The following CETP variants were observed in gnomAD, a reference collection of about 807,000 sequenced individuals.
The protein encoded by CETP is BPI fold containing family F.
CETP carries 56 observed loss-of-function variants against 66.5 expected under a neutral mutation model. That is an observed-to-expected ratio of 0.84 (90% CI 0.68 to 1.05). The LOEUF (loss-of-function observed/expected upper bound fraction) is 1.05. Among genes scored for constraint, CETP ranks in the 50% least tolerant of loss-of-function variants. The probability of loss-of-function intolerance (pLI) is 0.00; values close to 1 mark genes in which losing one functional copy is unlikely to be tolerated. For synonymous variants in CETP, 251 were observed against 245.7 expected, an observed-to-expected ratio of 1.02 and a Z score of -0.20; for missense variants, 612 against 609.6, an observed-to-expected ratio of 1.00 and a Z score of -0.04.
At chr16:56,971,477 G>A in intron 7 of CETP, 96 bp downstream of exon 7, 1 of 1,089,560 alleles carries the variant, frequency 9.2e-7, no homozygotes, top group Non-Finnish European at 1.4e-6. Context: ...CACTCTTCCT[G>A]TCTAGGTCCC....
At position 56,963,122 on chromosome 16, in the gene CETP, C is replaced by T. The variant is rs373235102; in HGVS notation, c.231C>T (p.His77=). ...MLLGQVKYGL[H]NIQISHLSIA... ...TTGGCCAAGTCAAGTATGGGTTGCA[C>T]AAGTGAGTCGGGCCTCGGGTGTGAC... The change falls in exon 2 of 16, where the codon CAC becomes CAT. Residue 77 remains histidine (H), a splice_region_variant and synonymous_variant. Transcript: ENST00000200676. 5.6e-6 allele frequency: 9 copies of T among 1,612,668 alleles called. No individual in the cohort carries two copies. In the African/African-American group the frequency reaches 1.1e-4, roughly 19 times the overall value.
chr16:56,973,932 A>G (rs1354360270), intron 9 of CETP, among the ~76,000 whole-genome samples: 1 of 152,162 alleles, frequency 6.6e-6, no homozygotes, highest in African/African-American at 2.4e-5. Flanking sequence ...ATGCACCGGT[A>G]ATCAGAACGA....
At chr16:56,968,440 G>A (rs997142114) in intron 2 of CETP, among the ~76,000 whole-genome samples, 3 of 152,134 alleles carry the variant, frequency 2.0e-5, no homozygotes, top group Non-Finnish European at 4.4e-5. Context: ...GCCCTCCTCG[G>A]CCTCCCAAAG....
intron 10 of CETP, among the ~76,000 whole-genome samples, chr16:56,977,885 C>T (rs1487829537): frequency 6.6e-6 from 1 of 152,242 alleles, no homozygotes; most frequent in Non-Finnish European, 1.5e-5. Context: ...GGAATAGCTT[C>T]ACTAGCACAC....
intron 5 of CETP, 63 bp downstream of exon 5, chr16:56,970,064 C>T: frequency 6.6e-7 from 1 of 1,507,252 alleles, no homozygotes; most frequent in Non-Finnish European, 9.1e-7. Flanking sequence ...GTGTCCACGG[C>T]TCCTTCCAGG....
intron 5 of CETP, 36 bp downstream of exon 5, chr16:56,970,037 G>A (rs755245196): frequency 5.7e-6 from 9 of 1,590,148 alleles, no homozygotes; most frequent in Admixed American, 1.7e-5. Context: ...ATTCCTGCTC[G>A]TGCCCATCCT....
chr16:56,962,418 G>A (rs2056030727), intron 1 of CETP: 2 of 610,936 alleles, frequency 3.3e-6, no homozygotes, highest in African/African-American at 1.8e-5. Flanking sequence ...GGTTGAGTCA[G>A]GGGGTAAAGA....
rs556154026 is a variant in CETP, at chr16:56,981,640, A to G, written c.1215-7A>G. On this transcript the variant is annotated splice_region_variant and splice_polypyrimidine_tract_variant and intron_variant, in intron 12 of 15. Transcript: ENST00000200676. The stretch of plus-strand genomic sequence containing the variant: ...AGGGTCAAATTATCATCGCTTTTTT[A>G]TTTCAGGATTACACCAAAGACTGTT... 45 of 1,613,774 alleles carry G rather than the reference A, an allele frequency of 2.8e-5. No homozygotes were observed. Among genetic ancestry groups the G allele is most frequent in the Non-Finnish European group, 3.7e-5 (44 of 1,179,788 alleles).
At chr16:56,968,732 T>C (rs2056085984) in intron 2 of CETP, among the ~76,000 whole-genome samples, 1 of 150,346 alleles carries the variant, frequency 6.7e-6, no homozygotes, top group East Asian at 1.9e-4. Context: ...TCTTCTTCTT[T>C]TTTTTTTTTT....
In CETP at chr16:56,978,088, C is replaced by T. The variant is rs1451210867; in HGVS notation, c.982-3C>T. ...CTGGCCATGGGACCCCTGTCTTCCA[C>T]AGGTTGTCGGCGGCTTCCCCAGCCA... is the stretch of plus-strand genomic sequence containing the variant. On this transcript the variant is annotated splice_region_variant and splice_polypyrimidine_tract_variant and intron_variant, in intron 10 of 15. Transcript: ENST00000200676. 6.2e-7 allele frequency: 1 copy of T among 1,614,054 alleles called. No individual in the cohort carries two copies. The highest frequency in any genetic ancestry group is 1.3e-5 in the African/African-American group (1 of 75,066).
chr16:56,966,739 A>G (rs571419261), intron 2 of CETP, among the ~76,000 whole-genome samples: 1 of 149,738 alleles, frequency 6.7e-6, no homozygotes, highest in Admixed American at 6.7e-5. Context: ...AGCTGGAACC[A>G]CAAGCATATG....
At chr16:56,983,244 C>T in intron 14 of CETP, 82 bp from the exon 15 acceptor site, 2 of 1,090,220 alleles carry the variant, frequency 1.8e-6, no homozygotes, top group Non-Finnish European at 2.8e-6. Flanking sequence ...GTCTCAGCAT[C>T]TCCCACTACC....
Position 56,983,358 on chromosome 16 carries a change from A to T in CETP, c.1354A>T (p.Ser452Cys). 3 of 1,614,262 alleles carry T rather than the reference A, an allele frequency of 1.9e-6. No individual in the cohort carries two copies. Among genetic ancestry groups the T allele is most frequent in the Non-Finnish European group, 2.5e-6 (3 of 1,180,048 alleles). ...GGTAGTGTTTACAGCCCTCATGAAC[A>T]GCAAAGGCGTGAGCCTCTTCGACAT... ...LEVVFTALMNSKGVSLFDIIN... is the reference protein window; with the variant it reads ...LEVVFTALMNCKGVSLFDIIN... The change falls in exon 15 of 16, where the codon AGC (serine) becomes TGC (cysteine). Residue 452 changes from serine (S) to cysteine (C), a missense_variant. Physicochemically the swap from Ser to Cys is moderately radical, Grantham distance 112. Coordinates refer to ENST00000200676, the MANE Select transcript of CETP (RefSeq NM_000078.3).
chr16:56,982,194 G>A lies in CETP; in HGVS notation c.1278G>A (p.Leu426=), dbSNP rs1175891824. 6.2e-7 allele frequency: 1 copy of A among 1,614,052 alleles called. No homozygotes were observed. The highest frequency in any genetic ancestry group is 8.5e-7 in the Non-Finnish European group (1 of 1,180,032). The change falls in exon 14 of 16, where the codon CTG becomes CTA. Residue 426 remains leucine (L), a synonymous_variant. Transcript: ENST00000200676. ...GCTCCGAGTCCGTCCAGAGCTTCCT[G>A]CAGTCAATGATCACCGCTGTGGGCA... ...ESSSESVQSF[L]QSMITAVGIP...
chr16:56,980,123 G>A lies in CETP; in HGVS notation c.1147-1035G>A, dbSNP rs183876127. Among the ~76,000 whole-genome samples the A allele has an allele frequency of 3.6e-3, 546 of 152,320 alleles. 1 individual carries two copies. The highest frequency in any genetic ancestry group is 7.1e-3 in the Admixed American group (109 of 15,294). ...AGCGGAGAGATTAACATTGGTGCATGACTGTTAACCAAACTCTAAACTTTA... is the reference window on the plus strand; with the variant it reads ...AGCGGAGAGATTAACATTGGTGCATAACTGTTAACCAAACTCTAAACTTTA... On this transcript the variant is annotated intron_variant, in intron 11 of 15. Coordinates refer to ENST00000200676, the MANE Select transcript of CETP (RefSeq NM_000078.3).
At chr16:56,962,148 C>T in intron 1 of CETP, 51 bp downstream of exon 1, 1 of 1,479,408 alleles carries the variant, frequency 6.8e-7, no homozygotes, top group Non-Finnish European at 9.4e-7. Flanking sequence ...TCATGGACAC[C>T]CACTATGCCA....
chr16:56,972,128 G>A lies in CETP; in HGVS notation c.750+45G>A, dbSNP rs1003623011. 4.7e-6 allele frequency: 7 copies of A among 1,491,882 alleles called. No individual in the cohort carries two copies. The African/African-American group carries it at 8.3e-5, about 18-fold the overall frequency. 92.4% of individuals were successfully genotyped at this position (1,491,882 alleles called of 1,614,324 possible). On this transcript the variant is annotated intron_variant, in intron 8 of 15. Transcript: ENST00000200676. ...GGGGCAGGGCCCAGCTTCCCCAGGG[G>A]AGTTGGTCCTTTTTTGTGCTCTGAC... is the stretch of plus-strand genomic sequence containing the variant.
intron 9 of CETP, among the ~76,000 whole-genome samples, chr16:56,974,621 G>A (rs1233415215): frequency 2.0e-5 from 3 of 152,186 alleles, no homozygotes; most frequent in South Asian, 2.1e-4. Context: ...AGTTATATTT[G>A]CTACACTTTG....
rs1410995889 is a variant in CETP, at chr16:56,963,048, C to T, written c.157C>T (p.Gln53Ter). The stretch of plus-strand genomic sequence containing the variant: ...TGCCAAGGTGATCCAGACCGCCTTC[C>T]AGCGAGCCAGCTACCCAGATATCAC... ...ETAKVIQTAF[Q>*]RASYPDITGE... The change falls in exon 2 of 16, where the codon CAG becomes TAG. Residue 53 changes from glutamine (Q) to a stop codon, truncating the protein, a stop_gained. Transcript: ENST00000200676. LOFTEE classifies it high-confidence loss of function. 1 of 1,614,172 alleles carries T rather than the reference C, an allele frequency of 6.2e-7. No homozygotes were observed.
Sources: allele counts gnomAD v4.1 joint callset (sites outside exome capture counted in the v4.1 genomes callset), GRCh38; gene constraint gnomAD v4.1.1; transcripts MANE v1.5; gene names NCBI Gene and HGNC (gene_info 2026-07-23, HGNC 2026-07-21).